The following HS6ST2 variants were observed in gnomAD, a reference collection of about 807,000 sequenced individuals.
The protein encoded by HS6ST2 is heparan sulfate 6-O-sulfotransferase 2.
A neutral mutation model predicts 33.0 loss-of-function variants in HS6ST2; 17 were observed. The ratio of observed to expected loss-of-function variants is 0.52; its 90% CI spans 0.35 to 0.77. HS6ST2 has a LOEUF of 0.77. Ranked by LOEUF, HS6ST2 falls within the 30% of genes least tolerant of loss-of-function variation. The pLI, the probability that HS6ST2 is intolerant of heterozygous loss-of-function variation, is 0.01. For synonymous variants in HS6ST2, 248 were observed against 237.1 expected (o/e 1.05, Z -0.42); for missense variants, 519 against 551.7 (o/e 0.94, Z 0.59).
chrX:132,668,038 T>G (rs1283052913), intron 4 of HS6ST2, among the ~76,000 whole-genome samples: 1 of 111,860 alleles, frequency 8.9e-6, no homozygotes, highest in Non-Finnish European at 1.9e-5. Context: ...TATGCAAACC[T>G]GAAATGGTAT....
intron 4 of HS6ST2, among the ~76,000 whole-genome samples, chrX:132,636,248 T>C (rs982347486): frequency 9.0e-6 from 1 of 111,622 alleles, no homozygotes; most frequent in Non-Finnish European, 1.9e-5. Context: ...GGAAAATGCG[T>C]ATCTTATTCT....
Position 132,949,842 on chromosome X carries a change from G to C in HS6ST2, c.947+6966C>G, listed in dbSNP as rs185129083. On this transcript the variant is annotated intron_variant, in intron 2 of 4. Transcript: ENST00000370833. Reference sequence around the variant, plus strand: ...TTTATGCTTAGATTTGGGAGGGGTAGGAGATGATTTCTCTCGCTCGCTCGC... The same window carrying C: ...TTTATGCTTAGATTTGGGAGGGGTACGAGATGATTTCTCTCGCTCGCTCGC... 5.0e-3 allele frequency among the ~76,000 whole-genome samples: 556 copies of C among 110,561 alleles called. 4 individuals are homozygous for C. The highest frequency in any genetic ancestry group is 0.018 in the Middle Eastern group (4 of 217).
At chrX:132,694,289 T>C (rs2064087398) in intron 3 of HS6ST2, among the ~76,000 whole-genome samples, 1 of 111,925 alleles carries the variant, frequency 8.9e-6, no homozygotes, top group African/African-American at 3.2e-5. Context: ...TTTTTAAGAA[T>C]TGGACTCCTT....
intron 2 of HS6ST2, among the ~76,000 whole-genome samples, chrX:132,836,009 AC>A (rs2065640031): frequency 9.0e-6 from 1 of 111,413 alleles, no homozygotes; most frequent in Non-Finnish European, 1.9e-5. Flanking sequence ...TGTCTGGAGT[AC>A]CCTTTCGAAT....
chrX:132,734,255 G>A (rs2064486496), intron 2 of HS6ST2, among the ~76,000 whole-genome samples: 1 of 108,486 alleles, frequency 9.2e-6, no homozygotes, highest in Admixed American at 1.0e-4. Flanking sequence ...TTAACAAAAC[G>A]GGAAGGCATG....
chrX:132,755,045 C>G (rs762106641), intron 2 of HS6ST2, among the ~76,000 whole-genome samples: 1 of 111,508 alleles, frequency 9.0e-6, no homozygotes, highest in Non-Finnish European at 1.9e-5. Context: ...AGTCACTATT[C>G]GCAGTTCATA....
At chrX:132,859,925 A>AGGAG (rs1569497675) in intron 2 of HS6ST2, among the ~76,000 whole-genome samples, 1 of 56,812 alleles carries the variant, frequency 1.8e-5, no homozygotes. Context: ...AAGCAGGGAA[A>AGGAG]GGAGGGAGGG....
chrX:132,790,020 C>T (rs1262464519), intron 2 of HS6ST2, among the ~76,000 whole-genome samples: 1 of 112,487 alleles, frequency 8.9e-6, no homozygotes, highest in African/African-American at 3.2e-5. Context: ...ATTACATAAA[C>T]TTAGTTGATA....
chrX:132,713,681 T>C (rs1223475509), intron 2 of HS6ST2, among the ~76,000 whole-genome samples: 1 of 111,542 alleles, frequency 9.0e-6, no homozygotes, highest in Admixed American at 9.5e-5. Flanking sequence ...TTCTTTCAAA[T>C]ATGTATTCTT....
chrX:132,744,623 T>A (rs1021223377), intron 2 of HS6ST2, among the ~76,000 whole-genome samples: 1 of 111,744 alleles, frequency 8.9e-6, no homozygotes, highest in South Asian at 3.8e-4. Context: ...TATCAGCCTA[T>A]CAGTTCACTC....
intron 2 of HS6ST2, among the ~76,000 whole-genome samples, chrX:132,820,366 C>G (rs941220428): frequency 9.0e-6 from 1 of 111,706 alleles, no homozygotes; most frequent in African/African-American, 3.3e-5. Context: ...GAAAGTTGGG[C>G]ATCGCCATAG....
chrX:132,882,071 C>T (rs1434319536), intron 2 of HS6ST2, among the ~76,000 whole-genome samples: 4 of 111,381 alleles, frequency 3.6e-5, no homozygotes, highest in East Asian at 5.6e-4. Flanking sequence ...TGCCTCCAGC[C>T]TTGTTCTTTT....
intron 3 of HS6ST2, among the ~76,000 whole-genome samples, chrX:132,707,737 A>T (rs190267695): frequency 8.9e-6 from 1 of 112,211 alleles, no homozygotes; most frequent in Non-Finnish European, 1.9e-5. Context: ...ACTAGAGCAC[A>T]CATTTCCAAA....
chrX:132,734,626 G>A (rs1177517835), intron 2 of HS6ST2, among the ~76,000 whole-genome samples: 1 of 111,699 alleles, frequency 9.0e-6, no homozygotes, highest in Non-Finnish European at 1.9e-5. Context: ...TTAGATTCCT[G>A]GTTGTAATAG....
intron 4 of HS6ST2, among the ~76,000 whole-genome samples, chrX:132,666,695 CTTT>C (rs1325416017): frequency 9.0e-6 from 1 of 111,547 alleles, no homozygotes; most frequent in East Asian, 2.8e-4. Context: ...TTGACTTTTG[CTTT>C]TTTGTTTTCT....
At chrX:132,652,803 AATC>A (rs1402116077) in intron 4 of HS6ST2, among the ~76,000 whole-genome samples, 1 of 110,771 alleles carries the variant, frequency 9.0e-6, no homozygotes, top group Non-Finnish European at 1.9e-5. Context: ...ACAGAAGCTT[AATC>A]AGTGTGATCA....
At chrX:132,675,155 C>T (rs767898629) in intron 3 of HS6ST2, among the ~76,000 whole-genome samples, 13 of 110,667 alleles carry the variant, frequency 1.2e-4, no homozygotes, top group South Asian at 3.9e-4. Context: ...TGGGGCCTAT[C>T]GAGTTGGGGT....
At chrX:132,710,419 T>C (rs1380391347) in intron 2 of HS6ST2, among the ~76,000 whole-genome samples, 2 of 111,782 alleles carry the variant, frequency 1.8e-5, no homozygotes, top group Non-Finnish European at 3.8e-5. Context: ...TATTATCTAT[T>C]ATGTGCTAGC....
intron 3 of HS6ST2, among the ~76,000 whole-genome samples, chrX:132,692,413 A>T (rs2064072934): frequency 9.0e-6 from 1 of 111,040 alleles, no homozygotes; most frequent in Admixed American, 9.6e-5. Context: ...CTCCACAGTT[A>T]AGCTACTATT....
Sources: allele counts gnomAD v4.1 joint callset (sites outside exome capture counted in the v4.1 genomes callset), GRCh38; gene constraint gnomAD v4.1.1; transcripts MANE v1.5; gene names NCBI Gene and HGNC (gene_info 2026-07-23, HGNC 2026-07-21).